The following NAALADL2 variants were observed in gnomAD, a reference collection of about 807,000 sequenced individuals.
NAALADL2 encodes N-acetylated alpha-linked acidic dipeptidase like 2, also known as inactive N-acetylated-alpha-linked acidic dipeptidase-like protein 2.
NAALADL2 carries 76 observed loss-of-function variants against 87.2 expected under a neutral mutation model. The ratio of observed to expected loss-of-function variants is 0.87; its 90% CI spans 0.72 to 1.05. The LOEUF is 1.05. Among genes scored for constraint, NAALADL2 ranks in the 50% least tolerant of loss-of-function variants. The pLI is 0.00. For synonymous variants in NAALADL2, 354 were observed against 331.0 expected, an observed-to-expected ratio of 1.07 and a Z score of -0.75; for missense variants, 1,089 against 945.8, an observed-to-expected ratio of 1.15 and a Z score of -1.99.
At chr3:175,389,211 C>T (rs1482717844) in intron 5 of NAALADL2, among the ~76,000 whole-genome samples, 2 of 152,012 alleles carry the variant, frequency 1.3e-5, no homozygotes, top group Non-Finnish European at 1.5e-5. Context: ...TTTTATAAGG[C>T]TACATAAAGC....
At chr3:175,339,049 A>G (rs1352556314) in intron 5 of NAALADL2, among the ~76,000 whole-genome samples, 2 of 152,232 alleles carry the variant, frequency 1.3e-5, no homozygotes, top group East Asian at 1.9e-4. Context: ...CTCTGGCAAT[A>G]CAGCAGAACC....
intron 1 of NAALADL2, among the ~76,000 whole-genome samples, chr3:174,956,864 A>C (rs1454252221): frequency 3.9e-5 from 6 of 152,082 alleles, no homozygotes; most frequent in Non-Finnish European, 8.8e-5. Context: ...AAGGAGAAAC[A>C]GAACAGTATT....
intron 1 of NAALADL2, among the ~76,000 whole-genome samples, chr3:174,991,970 A>C (rs982964969): frequency 6.6e-6 from 1 of 152,028 alleles, no homozygotes; most frequent in East Asian, 1.9e-4. Flanking sequence ...TGACCTTAAT[A>C]AATATAAATT....
intron 2 of NAALADL2, among the ~76,000 whole-genome samples, chr3:174,564,689 C>T (rs1342801271): frequency 1.3e-5 from 2 of 152,028 alleles, no homozygotes; most frequent in African/African-American, 4.8e-5. Flanking sequence ...TATGCACATA[C>T]AATTGAGAAT....
At chr3:175,686,332 G>A (rs886188418) in intron 11 of NAALADL2, among the ~76,000 whole-genome samples, 10 of 152,152 alleles carry the variant, frequency 6.6e-5, no homozygotes, top group African/African-American at 2.2e-4. Context: ...GATACAGACC[G>A]TCTTTTAAAA....
chr3:175,333,168 A>C (rs1366310594), intron 5 of NAALADL2, among the ~76,000 whole-genome samples: 1 of 152,078 alleles, frequency 6.6e-6, no homozygotes, highest in Non-Finnish European at 1.5e-5. Context: ...TGGTAGCTTC[A>C]ATGGGCCAGT....
intron 2 of NAALADL2, among the ~76,000 whole-genome samples, chr3:175,120,555 C>A (rs1370753213): frequency 2.6e-5 from 4 of 151,696 alleles, no homozygotes; most frequent in African/African-American, 4.8e-5. Flanking sequence ...TGCTTGAAAT[C>A]GATCAGAGAT....
chr3:175,743,119 G>A (rs1745468677), intron 12 of NAALADL2, among the ~76,000 whole-genome samples: 1 of 152,000 alleles, frequency 6.6e-6, no homozygotes, highest in Non-Finnish European at 1.5e-5. Context: ...TCCTGCCTCA[G>A]CCTCCCAAGT....
intron 4 of NAALADL2, among the ~76,000 whole-genome samples, chr3:175,309,916 G>A (rs1291536767): frequency 2.6e-5 from 4 of 152,136 alleles, no homozygotes; most frequent in Admixed American, 2.6e-4. Flanking sequence ...TGCCCAGCAT[G>A]TCTCTCTTAA....
At chr3:174,961,827 A>C (rs574725179) in intron 1 of NAALADL2, among the ~76,000 whole-genome samples, 1 of 152,174 alleles carries the variant, frequency 6.6e-6, no homozygotes, top group South Asian at 2.1e-4. Context: ...GTTATGAGAC[A>C]GACATGGTTC....
chr3:175,775,218 G>A (rs1003781630), intron 13 of NAALADL2: 20 of 151,568 alleles, frequency 1.3e-4, no homozygotes, highest in Admixed American at 2.6e-4. Context: ...AGTAAATATG[G>A]GAGTCCATAG....
chr3:174,773,607 G>C (rs11709626), intron 3 of NAALADL2, among the ~76,000 whole-genome samples: 17,931 of 152,112 alleles, frequency 0.12, 1,295 homozygotes, highest in Non-Finnish European at 0.16. Flanking sequence ...TTATGTTTAG[G>C]GTTCCAGAGA....
At chr3:174,822,530 C>T (rs1163912412) in intron 3 of NAALADL2, among the ~76,000 whole-genome samples, 4 of 152,130 alleles carry the variant, frequency 2.6e-5, no homozygotes, top group Non-Finnish European at 4.4e-5. Context: ...TACAGGAACA[C>T]GTAGCCAGAG....
intron 2 of NAALADL2, among the ~76,000 whole-genome samples, chr3:175,125,454 A>T (rs964586929): frequency 6.6e-6 from 1 of 152,064 alleles, no homozygotes; most frequent in African/African-American, 2.4e-5. Context: ...CAGATGGTAG[A>T]TGATGGTGGC....
chr3:175,377,919 C>T (rs1025327673), intron 5 of NAALADL2, among the ~76,000 whole-genome samples: 2 of 152,110 alleles, frequency 1.3e-5, no homozygotes, highest in Non-Finnish European at 2.9e-5. Context: ...CTACTGAGAG[C>T]CACTTTCATT....
chr3:175,060,584 T>C (rs1048128306), intron 1 of NAALADL2, among the ~76,000 whole-genome samples: 4 of 152,268 alleles, frequency 2.6e-5, no homozygotes, highest in Non-Finnish European at 5.9e-5. Flanking sequence ...ACATTGTTAA[T>C]ATTTATACAA....
At chr3:175,657,094 AT>A (rs1394348936) in intron 11 of NAALADL2, among the ~76,000 whole-genome samples, 1 of 152,220 alleles carries the variant, frequency 6.6e-6, no homozygotes, top group Non-Finnish European at 1.5e-5. Context: ...CCAAACTAGT[AT>A]TTAAAGGTGA....
intron 1 of NAALADL2, among the ~76,000 whole-genome samples, chr3:174,458,188 A>G (rs1715979229): frequency 1.3e-5 from 2 of 152,216 alleles, no homozygotes; most frequent in African/African-American, 4.8e-5. Flanking sequence ...ATAGTTCACT[A>G]TATAAGGGTT....
At chr3:175,229,213 CA>C (rs1023644195) in intron 2 of NAALADL2, among the ~76,000 whole-genome samples, 33 of 141,626 alleles carry the variant, frequency 2.3e-4, no homozygotes, top group East Asian at 6.1e-4. Flanking sequence ...TGTAGTAAAA[CA>C]AAAAAAAAAG....
Sources: gnomAD v4.1 joint callset for allele counts (sites outside exome capture counted in the v4.1 genomes callset) on GRCh38, gnomAD v4.1.1 for gene constraint, MANE v1.5 for transcripts, NCBI Gene and HGNC (gene_info 2026-07-23, HGNC 2026-07-21) for gene names.